RAF1: variants seen among roughly 807,000 people sequenced by gnomAD.
RAF1 encodes Raf-1 proto-oncogene, serine/threonine kinase, also known as RAF proto-oncogene serine/threonine-protein kinase.
A neutral mutation model predicts 81.1 loss-of-function variants in RAF1; 27 were observed. The ratio of observed to expected loss-of-function variants is 0.33; its 90% confidence interval spans 0.25 to 0.46. The LOEUF (loss-of-function observed/expected upper bound fraction) is 0.46. RAF1 is among the 20% of genes least tolerant of loss of function. The pLI, the probability that RAF1 is intolerant of heterozygous loss-of-function variation, is 1.00. For missense variants in RAF1, 598 were observed against 826.0 expected (o/e 0.72, Z 3.38); for synonymous variants, 298 against 294.0 (o/e 1.01, Z -0.14).
intron 1 of RAF1, among the ~76,000 whole-genome samples, chr3:12,658,780 G>A (rs1048245419): frequency 2.0e-5 from 3 of 152,118 alleles, no homozygotes; most frequent in African/African-American, 4.8e-5. Context: ...AAATAAAACC[G>A]TGTGTCAAGT....
intron 5 of RAF1, 152 bp from the exon 6 acceptor site, chr3:12,606,451 G>C: frequency 1.5e-6 from 1 of 679,288 alleles, no homozygotes; most frequent in Non-Finnish European, 2.7e-6. Context: ...TAGAATAAAG[G>C]GAACAATATT....
At chr3:12,640,926 T>G (rs2060163811) in intron 1 of RAF1, among the ~76,000 whole-genome samples, 1 of 152,066 alleles carries the variant, frequency 6.6e-6, no homozygotes, top group Non-Finnish European at 1.5e-5. Context: ...ATGTTTATTG[T>G]GGTACTATTC....
chr3:12,602,525 C>T (rs971917654), intron 8 of RAF1, among the ~76,000 whole-genome samples: 1 of 151,842 alleles, frequency 6.6e-6, no homozygotes, highest in African/African-American at 2.4e-5. Context: ...CTAATTTTTA[C>T]ATTTTTTTTT....
intron 1 of RAF1, among the ~76,000 whole-genome samples, chr3:12,658,235 A>G (rs2060762654): frequency 6.6e-6 from 1 of 152,224 alleles, no homozygotes; most frequent in African/African-American, 2.4e-5. Context: ...GATCAAGTTT[A>G]ACATATAAAT....
At chr3:12,652,573 C>G (rs375187449) in intron 1 of RAF1, among the ~76,000 whole-genome samples, 1 of 151,874 alleles carries the variant, frequency 6.6e-6, no homozygotes, top group Non-Finnish European at 1.5e-5. Flanking sequence ...ATACATAACA[C>G]CATTTGCACA....
chr3:12,613,625 G>C (rs573848492), intron 2 of RAF1, among the ~76,000 whole-genome samples: 1 of 152,128 alleles, frequency 6.6e-6, no homozygotes, highest in African/African-American at 2.4e-5. Flanking sequence ...TAAGAAAGAG[G>C]ACATAGTTAT....
chr3:12,608,472 A>T (rs1374981943), intron 5 of RAF1: 93 of 423,642 alleles, frequency 2.2e-4, no homozygotes, highest in Non-Finnish European at 3.5e-5. Flanking sequence ...AAAAGCAAAA[A>T]ATCTTCTTGT....
intron 1 of RAF1, among the ~76,000 whole-genome samples, chr3:12,624,185 C>T (rs904317504): frequency 6.6e-6 from 1 of 152,080 alleles, no homozygotes; most frequent in African/African-American, 2.4e-5. Flanking sequence ...CATACTCATA[C>T]AAACGATAGG....
chr3:12,642,247 G>A (rs1205626291), intron 1 of RAF1, among the ~76,000 whole-genome samples: 3 of 150,794 alleles, frequency 2.0e-5, no homozygotes, highest in Non-Finnish European at 2.9e-5. Flanking sequence ...TCAAGAGATC[G>A]AGACCATCCT....
intron 15 of RAF1, 49 bp downstream of exon 14, chr3:12,585,632 T>A: frequency 6.7e-7 from 1 of 1,489,392 alleles, no homozygotes. Flanking sequence ...CTCCAAGGCA[T>A]TCCTTTTGCC....
intron 1 of RAF1, among the ~76,000 whole-genome samples, chr3:12,640,429 G>T (rs1363540623): frequency 6.7e-6 from 1 of 150,278 alleles, no homozygotes; most frequent in Admixed American, 6.8e-5. Context: ...CAGTGAACAC[G>T]CAACCTACAG....
chr3:12,590,839 G>C lies in RAF1; in HGVS notation c.1389C>G (p.Phe463Leu). 6.2e-7 allele frequency: 1 copy of C among 1,614,054 alleles called. No individual in the cohort carries two copies. The highest frequency in any genetic ancestry group is 8.5e-7 in the Non-Finnish European group (1 of 1,179,952). ...TCTGCCGGGCAATGTCAATTAGCTG[G>C]AACATCTGAAACTTGGTCTCCTGGA... The change falls in exon 13 of 18, where the codon TTC becomes TTG. Residue 463 changes from phenylalanine to leucine, a missense_variant. By Grantham distance (22) the Phe-to-Leu change is conservative (BLOSUM62 0). Coordinates refer to ENST00000442415, the MANE Select transcript of RAF1 (RefSeq NM_001354689.3).
intron 11 of RAF1, among the ~76,000 whole-genome samples, chr3:12,597,067 T>C (rs1046759887): frequency 2.0e-5 from 3 of 151,988 alleles, no homozygotes; most frequent in African/African-American, 7.3e-5. Flanking sequence ...CCCGGCTAAT[T>C]TGTTGTATTT....
intron 5 of RAF1, 40 bp downstream of exon 5, chr3:12,608,726 C>A (rs2059116008): frequency 6.2e-7 from 1 of 1,600,658 alleles, no homozygotes; most frequent in African/African-American, 1.3e-5. Context: ...ATGTATACTC[C>A]TCATCCCTAT....
chr3:12,614,639 T>C (rs758487978), intron 2 of RAF1, among the ~76,000 whole-genome samples: 6 of 151,968 alleles, frequency 3.9e-5, no homozygotes, highest in Non-Finnish European at 5.9e-5. Context: ...TTGCCCAGGC[T>C]GGTCTCAAAC....
chr3:12,664,116 T>C lies in RAF1; in HGVS notation c.-330A>G. 1 of 398,220 alleles carries C rather than the reference T, an allele frequency of 2.5e-6. No homozygotes were observed. Among genetic ancestry groups the C allele is most frequent in the Non-Finnish European group, 4.4e-6 (1 of 225,790 alleles). The allele number at this position is 398,220 out of a possible 1,614,324, so 24.7% of individuals were successfully genotyped here. On this transcript the variant is annotated 5_prime_UTR_variant, in exon 1 of 18. Coordinates refer to ENST00000442415, the MANE Select transcript of RAF1 (RefSeq NM_001354689.3). Reference sequence around the variant, plus strand: ...AAGATGGCGGCCCAAGCGCCCGCGATTAAGACTCTCGGGCGGCCCAGACGA... The same window carrying C: ...AAGATGGCGGCCCAAGCGCCCGCGACTAAGACTCTCGGGCGGCCCAGACGA...
intron 1 of RAF1, among the ~76,000 whole-genome samples, chr3:12,648,817 T>C (rs2060431926): frequency 1.3e-5 from 2 of 151,694 alleles, no homozygotes; most frequent in Admixed American, 6.6e-5. Flanking sequence ...GGCTTTCAAA[T>C]AGAAAAATTC....
chr3:12,641,467 C>T (rs1044740388), intron 1 of RAF1, among the ~76,000 whole-genome samples: 21 of 149,164 alleles, frequency 1.4e-4, no homozygotes, highest in African/African-American at 4.7e-4. Flanking sequence ...GGACATGTCC[C>T]CCCCAAAAAA....
rs754852013 is a variant in RAF1 at position 12,612,078 on chromosome 3, C to G, written c.208-16G>C. 6.2e-7 allele frequency: 1 copy of G among 1,601,424 alleles called. No individual in the cohort carries two copies. The highest frequency in any genetic ancestry group is 1.1e-5 in the South Asian group (1 of 90,786). ...GCACATTGACCTACAAACAAAGGAC[C>G]ACCTTTAGGACCAACACAGGCTGCA... On this transcript the variant is annotated splice_polypyrimidine_tract_variant and intron_variant, in intron 2 of 17. Transcript: ENST00000442415.
Sources: allele counts gnomAD v4.1 joint callset (sites outside exome capture counted in the v4.1 genomes callset), GRCh38; gene constraint gnomAD v4.1.1; transcripts MANE v1.5; gene names NCBI Gene and HGNC (gene_info 2026-07-23, HGNC 2026-07-21).